Variants in ASCC1 observed in about 807,000 individuals in gnomAD.
ASCC1 encodes the protein ASC-1 complex subunit P50.
In ASCC1, 35 loss-of-function variants were observed where a neutral mutation model predicts 46.6. The ratio of observed to expected loss-of-function variants is 0.75; its 90% CI spans 0.57 to 0.99. The LOEUF (loss-of-function observed/expected upper bound fraction) is 0.99. Ranked by LOEUF, ASCC1 falls within the 50% of genes least tolerant of loss-of-function variation. The pLI is 0.00. For synonymous variants in ASCC1, 143 were observed against 146.6 expected (o/e 0.98, Z 0.18); for missense variants, 376 against 428.7 (o/e 0.88, Z 1.09).
rs1401511439 is a variant in ASCC1, at chr10:72,213,328, T to C, written c.-30A>G. 1 of 1,486,128 alleles carries C rather than the reference T, an allele frequency of 6.7e-7. No homozygotes were observed. Among genetic ancestry groups the C allele is most frequent in the Non-Finnish European group, 9.4e-7 (1 of 1,064,806 alleles). The allele number at this position is 1,486,128 out of a possible 1,614,324, so 92.1% of individuals were successfully genotyped here. Reference sequence around the variant, plus strand: ...CTTTCTCCAAATGATATTCCAATTATGCCCTGAAAAATATAATTACCATCT... The same window carrying C: ...CTTTCTCCAAATGATATTCCAATTACGCCCTGAAAAATATAATTACCATCT... On this transcript the variant is annotated 5_prime_UTR_variant, in exon 2 of 10. Transcript: ENST00000672957.
intron 3 of ASCC1, among the ~76,000 whole-genome samples, chr10:72,207,582 T>G (rs1044666932): frequency 6.6e-6 from 1 of 152,164 alleles, no homozygotes; most frequent in Non-Finnish European, 1.5e-5. Context: ...ACCTGGGTCC[T>G]GCTCCCACAG....
intron 6 of ASCC1, among the ~76,000 whole-genome samples, chr10:72,160,679 A>G (rs1434352956): frequency 6.6e-6 from 1 of 151,522 alleles, no homozygotes; most frequent in Non-Finnish European, 1.5e-5. Flanking sequence ...AGCCTGGGTA[A>G]CAGAGAAAGA....
chr10:72,211,253 GTTA>G (rs1447083579), intron 2 of ASCC1, among the ~76,000 whole-genome samples: 11 of 152,102 alleles, frequency 7.2e-5, no homozygotes, highest in Middle Eastern at 3.2e-3. Context: ...TATTTTGTTA[GTTA>G]TTGTTATTAA....
At chr10:72,142,813 T>A (rs1300763755) in intron 7 of ASCC1, among the ~76,000 whole-genome samples, 1 of 152,162 alleles carries the variant, frequency 6.6e-6, no homozygotes, top group Admixed American at 6.6e-5. Flanking sequence ...ACATGTAGTA[T>A]ATAATTGCAT....
chr10:72,193,177 C>T (rs960470674), intron 5 of ASCC1, among the ~76,000 whole-genome samples: 1 of 152,132 alleles, frequency 6.6e-6, no homozygotes, highest in Admixed American at 6.6e-5. Context: ...GCACAAAAAC[C>T]CATACACAAA....
At chr10:72,142,112 T>C (rs1847087772) in intron 7 of ASCC1, among the ~76,000 whole-genome samples, 1 of 152,224 alleles carries the variant, frequency 6.6e-6, no homozygotes, top group African/African-American at 2.4e-5. Flanking sequence ...TGATTTAAAA[T>C]AGACATATTA....
chr10:72,152,732 T>C, intron 7 of ASCC1, 137 bp downstream of exon 7: 5 of 1,070,578 alleles, frequency 4.7e-6, no homozygotes, highest in Non-Finnish European at 6.6e-6. Context: ...AACTTACTAT[T>C]AAAAAAAAAG....
rs776371123 is a variant in ASCC1, at chr10:72,152,904, A to G, written c.711T>C (p.Leu237=). 1 of 1,614,038 alleles carries G rather than the reference A, an allele frequency of 6.2e-7. No individual in the cohort carries two copies. Among genetic ancestry groups the G allele is most frequent in the Non-Finnish European group, 8.5e-7 (1 of 1,180,020 alleles). ...MNDDPGMVDV[L]YAKVHMKDGS... ...CATCTTTCATATGGACTTTGGCGTA[A>G]AGAACATCCACCATGCCAGGATCAT... The change falls in exon 7 of 10, where the codon CTT becomes CTC. Residue 237 remains leucine (L), a synonymous_variant. Coordinates refer to ENST00000672957, the MANE Select transcript of ASCC1 (RefSeq NM_001198800.3).
chr10:72,120,432 T>C (rs1277391082), intron 9 of ASCC1, among the ~76,000 whole-genome samples: 2 of 151,024 alleles, frequency 1.3e-5, no homozygotes, highest in Non-Finnish European at 2.9e-5. Context: ...GTGGTACAAC[T>C]ACGAAAGATA....
At chr10:72,125,296 G>C (rs945679865) in intron 9 of ASCC1, among the ~76,000 whole-genome samples, 4 of 151,928 alleles carry the variant, frequency 2.6e-5, no homozygotes, top group Admixed American at 2.6e-4. Flanking sequence ...CTGATCCTTG[G>C]CCTATGCAGC....
At chr10:72,152,172 GTT>G (rs57745135) in intron 7 of ASCC1, among the ~76,000 whole-genome samples, 34 of 135,074 alleles carry the variant, frequency 2.5e-4, no homozygotes, top group African/African-American at 7.5e-4. Context: ...TTGTTTTTGG[GTT>G]TTTTTTTTTT....
intron 5 of ASCC1, among the ~76,000 whole-genome samples, chr10:72,174,040 C>T (rs1011636784): frequency 1.3e-5 from 2 of 152,230 alleles, no homozygotes; most frequent in Non-Finnish European, 2.9e-5. Context: ...GACTAAGTCA[C>T]AACATCACTA....
chr10:72,140,428 C>G (rs1388762842), intron 7 of ASCC1, among the ~76,000 whole-genome samples: 1 of 151,904 alleles, frequency 6.6e-6, no homozygotes, highest in East Asian at 1.9e-4. Flanking sequence ...ATTATGAATT[C>G]AAAAGATGAT....
At chr10:72,159,753 A>G (rs1403882488) in intron 6 of ASCC1, among the ~76,000 whole-genome samples, 2 of 152,194 alleles carry the variant, frequency 1.3e-5, no homozygotes, top group East Asian at 3.8e-4. Flanking sequence ...AGAACATGAC[A>G]AGAAGTGTTC....
intron 5 of ASCC1, among the ~76,000 whole-genome samples, chr10:72,165,785 AC>A (rs1264878982): frequency 6.6e-6 from 1 of 152,192 alleles, no homozygotes; most frequent in East Asian, 1.9e-4. Context: ...AAGGCTTATC[AC>A]CCCAGCTTCT....
rs887980316 is a variant in ASCC1 at position 72,210,761 on chromosome 10, A to G, written c.183T>C (p.Ser61=). ...AGAGCAAGCTGGGGGCCCTCAAAGTAGACCGGAATCCTTGTGGGGTCTGCT... is the reference window on the plus strand; with the variant it reads ...AGAGCAAGCTGGGGGCCCTCAAAGTGGACCGGAATCCTTGTGGGGTCTGCT... ...EVEQTPQGFR[S]TLRAPSLLYK... Residue 61 remains serine (S), a synonymous_variant, in exon 3 of 10, where the codon TCT becomes TCC. Coordinates refer to ENST00000672957, the MANE Select transcript of ASCC1 (RefSeq NM_001198800.3). 6.2e-7 allele frequency: 1 copy of G among 1,614,164 alleles called. No homozygotes were observed. Among genetic ancestry groups the G allele is most frequent in the African/African-American group, 1.3e-5 (1 of 75,046 alleles).
chr10:72,129,721 A>G (rs1307558625), intron 8 of ASCC1, among the ~76,000 whole-genome samples: 3 of 152,012 alleles, frequency 2.0e-5, no homozygotes, highest in African/African-American at 7.2e-5. Flanking sequence ...CAAGAGAATC[A>G]CCTGAACCTG....
intron 9 of ASCC1, among the ~76,000 whole-genome samples, chr10:72,125,457 T>C (rs1257016320): frequency 1.3e-5 from 2 of 152,238 alleles, no homozygotes; most frequent in African/African-American, 4.8e-5. Context: ...AAACTATATA[T>C]ATGAAGTTCA....
At chr10:72,187,643 C>A (rs904355803) in intron 5 of ASCC1, among the ~76,000 whole-genome samples, 2 of 148,084 alleles carry the variant, frequency 1.4e-5, no homozygotes, top group Non-Finnish European at 2.9e-5. Flanking sequence ...TGGCGAGAAC[C>A]CGGGAGACGG....
Sources: allele counts gnomAD v4.1 joint callset (sites outside exome capture counted in the v4.1 genomes callset), GRCh38; gene constraint gnomAD v4.1.1; transcripts MANE v1.5; gene names NCBI Gene and HGNC (gene_info 2026-07-23, HGNC 2026-07-21).